The following FAM120A variants were observed in gnomAD, a reference collection of about 807,000 sequenced individuals.
FAM120A encodes the protein constitutive coactivator of PPAR-gamma-like protein 1.
FAM120A carries 15 observed loss-of-function variants against 109.7 expected under a neutral mutation model. The observed-to-expected ratio is 0.14, with a 90% CI of 0.09 to 0.21. FAM120A has a LOEUF of 0.21. Among genes scored for constraint, FAM120A ranks in the 10% least tolerant of loss-of-function variants. The pLI, the probability that FAM120A is intolerant of heterozygous loss-of-function variation, is 1.00. For missense variants in FAM120A, 899 were observed against 1,439.3 expected (o/e 0.62, Z 6.07); for synonymous variants, 493 against 572.8 (o/e 0.86, Z 1.99).
chr9:93,513,817 C>T (rs1860448066), intron 5 of FAM120A, among the ~76,000 whole-genome samples: 1 of 152,208 alleles, frequency 6.6e-6, no homozygotes, highest in South Asian at 2.1e-4. Context: ...CACTCCTGGT[C>T]TCACCACGCC....
intron 11 of FAM120A, among the ~76,000 whole-genome samples, chr9:93,544,949 C>T (rs907586739): frequency 1.3e-5 from 2 of 152,194 alleles, no homozygotes; most frequent in Admixed American, 6.5e-5. Flanking sequence ...AGGTTTCACT[C>T]CTCAGACAGG....
chr9:93,556,469 G>A lies in FAM120A; in HGVS notation c.2362G>A (p.Gly788Arg). 1 of 1,614,146 alleles carries A rather than the reference G, an allele frequency of 6.2e-7. No homozygotes were observed. Among genetic ancestry groups the A allele is most frequent in the Non-Finnish European group, 8.5e-7 (1 of 1,180,014 alleles). The change falls in exon 13 of 18, where the codon GGA becomes AGA. Residue 788 changes from glycine to arginine, a missense_variant. Transcript: ENST00000277165. ...DMALFANDACGQPIPWEHCCP... is the reference protein window; with the variant it reads ...DMALFANDACRQPIPWEHCCP... The stretch of plus-strand genomic sequence containing the variant: ...GGCCTTGTTTGCAAATGATGCATGC[G>A]GACAGCCAATCCCCTGGGAACACTG...
intron 1 of FAM120A, among the ~76,000 whole-genome samples, chr9:93,461,987 C>T (rs1369028677): frequency 6.6e-6 from 1 of 152,210 alleles, no homozygotes; most frequent in African/African-American, 2.4e-5. Context: ...GATCACATCA[C>T]AAGCAGTGTG....
rs1372970652 is a variant in FAM120A at position 93,558,661 on chromosome 9, GGAC to G, written c.2750_2752del (p.Gly917_His918delinsAsp). 6.2e-7 allele frequency: 1 copy of G among 1,614,158 alleles called. No homozygotes were observed. The highest frequency in any genetic ancestry group is 1.7e-5 in the Admixed American group (1 of 60,034). On this transcript the variant is annotated inframe_deletion, in exon 15 of 18. Transcript: ENST00000277165. ...TGCCTTCCGTGTGGCGGCAGCATCG[GGAC>G]ACTGCGGAGCCTTCTCAGGCAGTGA...
chr9:93,526,132 A>G (rs529261830), intron 7 of FAM120A, among the ~76,000 whole-genome samples: 10 of 152,230 alleles, frequency 6.6e-5, no homozygotes, highest in Admixed American at 5.9e-4. Flanking sequence ...TGGGCATGGA[A>G]CCTTATAGTC....
At chr9:93,553,593 G>A (rs1375737161) in intron 12 of FAM120A, among the ~76,000 whole-genome samples, 1 of 152,176 alleles carries the variant, frequency 6.6e-6, no homozygotes, top group Admixed American at 6.5e-5. Flanking sequence ...TTTTTTGTCT[G>A]TATTTCTCTA....
chr9:93,452,056 G>T lies in FAM120A; in HGVS notation c.141G>T (p.Leu47=), dbSNP rs1857256039. ...CCCCGCAGACCCCGCTGCGCCTGCT[G>T]GTGGACGCCGACAACTGCCTGCACC... ...QRPPQTPLRL[L]VDADNCLHRL... The change falls in exon 1 of 18, where the codon CTG becomes CTT. Residue 47 remains leucine (L), a synonymous_variant. Transcript: ENST00000277165. The surrounding 1 kb of genome is among the most constrained non-coding windows in gnomAD (Gnocchi z 7.0). 3 of 1,588,636 alleles carry T rather than the reference G, an allele frequency of 1.9e-6. No homozygotes were observed. Among genetic ancestry groups the T allele is most frequent in the Non-Finnish European group, 2.6e-6 (3 of 1,168,202 alleles).
At chr9:93,497,727 C>G in intron 4 of FAM120A, 128 bp downstream of exon 4, 1 of 1,154,074 alleles carries the variant, frequency 8.7e-7, no homozygotes, top group Non-Finnish European at 1.2e-6. Flanking sequence ...AGAGCTCTTG[C>G]TCAGGCCACT....
At chr9:93,521,817 A>G (rs113777205) in intron 7 of FAM120A, among the ~76,000 whole-genome samples, 4,652 of 152,276 alleles carry the variant, frequency 0.031, 250 homozygotes, top group African/African-American at 0.11. Context: ...GCCGGGTGCA[A>G]TGGCTCATGC....
At chr9:93,533,137 T>C (rs1487862725) in intron 10 of FAM120A, among the ~76,000 whole-genome samples, 1 of 152,174 alleles carries the variant, frequency 6.6e-6, no homozygotes, top group African/African-American at 2.4e-5. Context: ...ATTGTGGAAA[T>C]TGTAAATTAC....
intron 7 of FAM120A, 82 bp downstream of exon 7, chr9:93,516,351 G>A: frequency 1.3e-6 from 2 of 1,574,772 alleles, no homozygotes; most frequent in Non-Finnish European, 8.6e-7. Flanking sequence ...AGCCCAGCTG[G>A]TGTTTTGCTC....
At chr9:93,486,801 T>C (rs1011078473) in intron 3 of FAM120A, among the ~76,000 whole-genome samples, 3 of 152,212 alleles carry the variant, frequency 2.0e-5, no homozygotes, top group Admixed American at 2.0e-4. Flanking sequence ...CCCAAAGTGC[T>C]GGGATTACAG....
rs371040864 is a variant in FAM120A, at chr9:93,490,368, A to G, written c.805-7103A>G. Among the ~76,000 whole-genome samples, 18 of 152,366 alleles carry G rather than the reference A, an allele frequency of 1.2e-4. No homozygotes were observed. The South Asian group carries it at 1.9e-3, about 16-fold the overall frequency. ...TGTATGGTATATTTAATTAGCTTAT[A>G]CATCCCACAGGAATATGACCAAGTG... On this transcript the variant is annotated intron_variant, in intron 3 of 17. Transcript: ENST00000277165.
At chr9:93,467,413 T>G (rs527478875) in intron 1 of FAM120A, among the ~76,000 whole-genome samples, 1 of 152,218 alleles carries the variant, frequency 6.6e-6, no homozygotes, top group Non-Finnish European at 1.5e-5. Context: ...TTCTAGAATT[T>G]TAGAAGTTGA....
rs188218308 is a variant in FAM120A at position 93,460,864 on chromosome 9, G to C, written c.474+8475G>C. 1.8e-3 allele frequency among the ~76,000 whole-genome samples: 273 copies of C among 152,298 alleles called. No individual in the cohort carries two copies. In the Middle Eastern group the frequency reaches 0.048, roughly 27 times the overall value. Reference sequence around the variant, plus strand: ...ATTCCAAAATCACTGGTGTCAGCTTGGCCACCTGGTGCAGAGCTTTTATCT... The same window carrying C: ...ATTCCAAAATCACTGGTGTCAGCTTCGCCACCTGGTGCAGAGCTTTTATCT... On this transcript the variant is annotated intron_variant, in intron 1 of 17. Coordinates refer to ENST00000277165, the MANE Select transcript of FAM120A (RefSeq NM_014612.5).
At chr9:93,537,699 A>G (rs1266591251) in intron 10 of FAM120A, among the ~76,000 whole-genome samples, 3 of 152,174 alleles carry the variant, frequency 2.0e-5, no homozygotes, top group Non-Finnish European at 4.4e-5. Context: ...TTTGCTTCAG[A>G]AATGTTTTTA....
At chr9:93,541,077 T>TGG (rs11449201) in intron 10 of FAM120A, among the ~76,000 whole-genome samples, 17 of 150,214 alleles carry the variant, frequency 1.1e-4, no homozygotes, top group South Asian at 6.3e-4. Context: ...ATGTGTGTGG[T>TGG]GGGGGGTGTG....
At chr9:93,461,164 G>A (rs1857777269) in intron 1 of FAM120A, among the ~76,000 whole-genome samples, 1 of 152,166 alleles carries the variant, frequency 6.6e-6, no homozygotes, top group African/African-American at 2.4e-5. Context: ...GCATTTCTCA[G>A]TTGTCTCTGG....
chr9:93,535,695 A>G (rs1861489663), intron 10 of FAM120A, among the ~76,000 whole-genome samples: 1 of 152,232 alleles, frequency 6.6e-6, no homozygotes, highest in Non-Finnish European at 1.5e-5. Context: ...GGGGGAAACA[A>G]GCCTATAAAA....
Sources: allele counts gnomAD v4.1 joint callset (sites outside exome capture counted in the v4.1 genomes callset), GRCh38; gene constraint gnomAD v4.1.1; non-coding constraint Gnocchi (gnomAD v3.1); transcripts MANE v1.5; gene names NCBI Gene and HGNC (gene_info 2026-07-23, HGNC 2026-07-21).